Variants in VSNL1 observed in about 807,000 individuals in gnomAD.
The protein encoded by VSNL1 is visinin like 1.
In VSNL1, 6 loss-of-function variants were observed where a neutral mutation model predicts 20.4. The ratio of observed to expected loss-of-function variants is 0.29; its 90% CI spans 0.16 to 0.58. The LOEUF (loss-of-function observed/expected upper bound fraction) is 0.58, where lower values mean the gene tolerates loss of function less well. VSNL1 is among the 20% of genes least tolerant of loss of function. The pLI is 0.90. For synonymous variants in VSNL1, 93 were observed against 86.4 expected (o/e 1.08, Z -0.42); for missense variants, 100 against 234.5 (o/e 0.43, Z 3.75).
intron 2 of VSNL1, among the ~76,000 whole-genome samples, chr2:17,644,561 G>A (rs1665953862): frequency 6.6e-6 from 1 of 152,230 alleles, no homozygotes; most frequent in Non-Finnish European, 1.5e-5. Flanking sequence ...ACTGCAGTTG[G>A]TGCTGGGAAG....
intron 2 of VSNL1, among the ~76,000 whole-genome samples, chr2:17,635,210 G>A (rs772957106): frequency 1.3e-5 from 2 of 152,168 alleles, no homozygotes; most frequent in African/African-American, 2.4e-5. Context: ...TCTCCTAGAC[G>A]AATGCTCGGA....
chr2:17,569,261 C>T (rs1435172870), intron 1 of VSNL1, among the ~76,000 whole-genome samples: 1 of 150,750 alleles, frequency 6.6e-6, no homozygotes, highest in Non-Finnish European at 1.5e-5. Flanking sequence ...GAGTGGAGAT[C>T]ATACAACTGT....
chr2:17,588,838 T>C (rs960308600), intron 1 of VSNL1, among the ~76,000 whole-genome samples: 2 of 152,192 alleles, frequency 1.3e-5, no homozygotes, highest in African/African-American at 4.8e-5. Context: ...TATATATAGA[T>C]TATGAGACAT....
At chr2:17,551,911 A>AAAT in intron 1 of VSNL1, among the ~76,000 whole-genome samples, 2 of 151,112 alleles carry the variant, frequency 1.3e-5, no homozygotes, top group African/African-American at 4.8e-5. Flanking sequence ...AAAAAAAAAA[A>AAAT]AAAAAGCCCA....
At chr2:17,612,156 C>T (rs989669142) in intron 2 of VSNL1, among the ~76,000 whole-genome samples, 3 of 152,178 alleles carry the variant, frequency 2.0e-5, no homozygotes, top group African/African-American at 4.8e-5. Flanking sequence ...TTCTGGCTGT[C>T]CTTGATTTTG....
chr2:17,546,484 A>G (rs958608199), intron 1 of VSNL1, among the ~76,000 whole-genome samples: 23 of 152,128 alleles, frequency 1.5e-4, no homozygotes, highest in African/African-American at 5.3e-4. Context: ...ATGTAAATCA[A>G]CAGATCCTAA....
rs1210021381 is a variant in VSNL1, at chr2:17,649,958, C to T, written c.378+333C>T. ...GTATCTCTGCTCTGCCTCACTCCAGCTGCGCCTAGTGGGGACCCGAGGCTG... is the reference window on the plus strand; with the variant it reads ...GTATCTCTGCTCTGCCTCACTCCAGTTGCGCCTAGTGGGGACCCGAGGCTG... On this transcript the variant is annotated intron_variant, in intron 3 of 3. Transcript: ENST00000295156. The surrounding 1 kb of genome is among the most constrained non-coding windows in gnomAD (Gnocchi z 6.4). Among the ~76,000 whole-genome samples the T allele has an allele frequency of 1.3e-5, 2 of 152,206 alleles. No individual in the cohort carries two copies. The highest frequency in any genetic ancestry group is 2.9e-5 in the Non-Finnish European group (2 of 68,040).
At chr2:17,555,449 T>C (rs917987908) in intron 1 of VSNL1, among the ~76,000 whole-genome samples, 1 of 152,180 alleles carries the variant, frequency 6.6e-6, no homozygotes, top group Non-Finnish European at 1.5e-5. Flanking sequence ...TGTATGATCA[T>C]TGCTACTACT....
At chr2:17,581,029 G>T (rs1234690090) in intron 1 of VSNL1, among the ~76,000 whole-genome samples, 2 of 152,150 alleles carry the variant, frequency 1.3e-5, no homozygotes, top group Non-Finnish European at 2.9e-5. Flanking sequence ...TCAAGCAAGT[G>T]TGTGTATAAA....
intron 2 of VSNL1, among the ~76,000 whole-genome samples, chr2:17,592,691 TA>T (rs1228743789): frequency 7.9e-6 from 1 of 126,122 alleles, no homozygotes; most frequent in African/African-American, 3.0e-5. Context: ...CCAGAAAAGA[TA>T]CTCCTGTATC....
chr2:17,613,090 C>T (rs1258322736), intron 2 of VSNL1, among the ~76,000 whole-genome samples: 1 of 152,144 alleles, frequency 6.6e-6, no homozygotes, highest in Non-Finnish European at 1.5e-5. Context: ...CATCACTGTT[C>T]CCATCTTCCC....
intron 2 of VSNL1, 46 bp downstream of exon 2, chr2:17,592,282 A>AGTTTC: frequency 6.3e-7 from 1 of 1,578,304 alleles, no homozygotes; most frequent in Non-Finnish European, 8.7e-7. Context: ...GCCAGAAACT[A>AGTTTC]TGGCCTTCAT....
chr2:17,540,354 G>C (rs1415618077), upstream of VSNL1, among the ~76,000 whole-genome samples: 4 of 152,258 alleles, frequency 2.6e-5, no homozygotes, highest in East Asian at 7.7e-4. Context: ...CCCCAGGTTC[G>C]GTAACCACTG....
At chr2:17,647,911 G>T (rs1179640890) in intron 2 of VSNL1, among the ~76,000 whole-genome samples, 1 of 152,170 alleles carries the variant, frequency 6.6e-6, no homozygotes, top group Non-Finnish European at 1.5e-5. Flanking sequence ...AATGAAAAAT[G>T]AAGGATAAGA....
chr2:17,618,999 A>C (rs1255600685), intron 2 of VSNL1, among the ~76,000 whole-genome samples: 1 of 152,146 alleles, frequency 6.6e-6, no homozygotes, highest in East Asian at 1.9e-4. Context: ...TGGGAAGAGA[A>C]GCTTCCAAAG....
intron 2 of VSNL1, among the ~76,000 whole-genome samples, chr2:17,625,362 G>T (rs1162937936): frequency 6.6e-6 from 1 of 152,194 alleles, no homozygotes; most frequent in Non-Finnish European, 1.5e-5. Flanking sequence ...CTTGATATTG[G>T]AAACCAGGTT....
chr2:17,544,498 G>A (rs1362955243), intron 1 of VSNL1, among the ~76,000 whole-genome samples: 1 of 152,154 alleles, frequency 6.6e-6, no homozygotes, highest in Non-Finnish European at 1.5e-5. Context: ...AGTCACATGT[G>A]ATAGGATTAC....
At position 17,649,270 on chromosome 2, in the gene VSNL1, ACAGT is replaced by A. The variant is rs1666071103; in HGVS notation, c.163-136_163-133del. The A allele has an allele frequency of 1.0e-5, 8 of 768,096 alleles. No homozygotes were observed. In the Middle Eastern group the frequency reaches 1.1e-3, roughly 101 times the overall value. 47.6% of individuals were successfully genotyped at this position (768,096 alleles called of 1,614,324 possible). The stretch of plus-strand genomic sequence containing the variant: ...CCCCTAATGCCTGCCCTTGCCCTTG[ACAGT>A]CAGGCCAAACTGCTCTCCAATGGGT... On this transcript the variant is annotated intron_variant, in intron 2 of 3. Coordinates refer to ENST00000295156, the MANE Select transcript of VSNL1 (RefSeq NM_003385.5). The surrounding 1 kb of genome is among the most constrained non-coding windows in gnomAD (Gnocchi z 6.4).
chr2:17,613,758 G>T (rs766457153), intron 2 of VSNL1, among the ~76,000 whole-genome samples: 121 of 152,068 alleles, frequency 8.0e-4, no homozygotes, highest in Non-Finnish European at 1.5e-3. Flanking sequence ...ATCTTTCCAC[G>T]TTTCATCCTG....
Sources: gnomAD v4.1 joint callset for allele counts (sites outside exome capture counted in the v4.1 genomes callset) on GRCh38, gnomAD v4.1.1 for gene constraint, Gnocchi (gnomAD v3.1) non-coding constraint, MANE v1.5 for transcripts, NCBI Gene and HGNC (gene_info 2026-07-23, HGNC 2026-07-21) for gene names.